Variants in TC2N observed in about 807,000 individuals in gnomAD.
TC2N encodes tandem C2 domains nuclear protein.
Under a neutral mutation model 61.9 loss-of-function variants are expected in TC2N, and 51 were observed. The observed-to-expected ratio is 0.82, with a 90% CI of 0.66 to 1.04. The LOEUF is 1.04. TC2N is among the 50% of genes least tolerant of loss of function. The probability of loss-of-function intolerance (pLI) is 0.00; values close to 1 mark genes in which losing one functional copy is unlikely to be tolerated. For missense variants in TC2N, 556 were observed against 566.7 expected (o/e 0.98, Z 0.19); for synonymous variants, 204 against 192.6 (o/e 1.06, Z -0.49).
In TC2N at chr14:91,812,525, T is replaced by TA. The variant is rs761160217; in HGVS notation, c.87dup (p.Lys30Ter). The TA allele has an allele frequency of 7.6e-6, 12 of 1,580,112 alleles. No homozygotes were observed. The highest frequency in any genetic ancestry group is 1.0e-5 in the Non-Finnish European group (12 of 1,156,180). ...TTTTGACTATTTGGGACTGCTGCTT[T>TA]AAAATCTCTTTCCACAGAAACTGCA... On this transcript the variant is annotated frameshift_variant, in exon 3 of 12. Transcript: ENST00000435962. LOFTEE classifies it high-confidence loss of function.
chr14:91,850,113 A>G (rs1566789475), intron 1 of TC2N, among the ~76,000 whole-genome samples: 1 of 151,820 alleles, frequency 6.6e-6, no homozygotes, highest in Non-Finnish European at 1.5e-5. Context: ...CCTGAGTTGA[A>G]GTTCTGGCAT....
rs1888052598 is a variant in TC2N at position 91,837,043 on chromosome 14, T to A, written c.-56-23218A>T. ...ACTGCCTTGCCATCAATGGGTGTCTTGGAAAGAATATTAAATGTATCCACC... is the reference window on the plus strand; with the variant it reads ...ACTGCCTTGCCATCAATGGGTGTCTAGGAAAGAATATTAAATGTATCCACC... On this transcript the variant is annotated intron_variant, in intron 1 of 11. Coordinates refer to ENST00000435962, the MANE Select transcript of TC2N (RefSeq NM_001128596.3). The surrounding 1 kb of genome is among the most constrained non-coding windows in gnomAD (Gnocchi z 4.2). Among the ~76,000 whole-genome samples, 1 of 152,190 alleles carries A rather than the reference T, an allele frequency of 6.6e-6. No homozygotes were observed. Among genetic ancestry groups the A allele is most frequent in the Non-Finnish European group, 1.5e-5 (1 of 68,038 alleles).
intron 1 of TC2N, among the ~76,000 whole-genome samples, chr14:91,865,565 G>A (rs1415802160): frequency 6.6e-6 from 1 of 151,804 alleles, no homozygotes; most frequent in Non-Finnish European, 1.5e-5. Context: ...TTTGCTAAGT[G>A]CTCACGTTTT....
At chr14:91,797,936 A>G in intron 7 of TC2N, 35 bp from the exon 8 acceptor site, 1 of 1,298,146 alleles carries the variant, frequency 7.7e-7, no homozygotes, top group Non-Finnish European at 1.1e-6. Flanking sequence ...GAATTTTACA[A>G]AGGATCCAAC....
intron 1 of TC2N, among the ~76,000 whole-genome samples, chr14:91,840,045 C>A (rs1888135462): frequency 6.6e-6 from 1 of 152,186 alleles, no homozygotes; most frequent in African/African-American, 2.4e-5. Flanking sequence ...TGAGCCTTCA[C>A]CCCACTGTCT....
intron 1 of TC2N, among the ~76,000 whole-genome samples, chr14:91,825,495 C>T (rs924032556): frequency 1.5e-4 from 23 of 152,116 alleles, no homozygotes; most frequent in African/African-American, 5.1e-4. Context: ...TTAAGTAATG[C>T]TATATCTCTC....
intron 1 of TC2N, among the ~76,000 whole-genome samples, chr14:91,821,158 C>G (rs1195439320): frequency 2.0e-5 from 3 of 151,622 alleles, no homozygotes; most frequent in Non-Finnish European, 4.4e-5. Context: ...GTAAAGGGTG[C>G]AGAATAGCCA....
At chr14:91,791,747 T>TA (rs1885665161) in intron 9 of TC2N, among the ~76,000 whole-genome samples, 1 of 148,902 alleles carries the variant, frequency 6.7e-6, no homozygotes, top group South Asian at 2.1e-4. Context: ...ATCAGCTACC[T>TA]AAAAAAACTT....
intron 1 of TC2N, among the ~76,000 whole-genome samples, chr14:91,814,825 A>G (rs1886940251): frequency 6.6e-6 from 1 of 151,646 alleles, no homozygotes; most frequent in African/African-American, 2.4e-5. Flanking sequence ...AGTACTCTTG[A>G]GAGATGCTAA....
chr14:91,794,409 A>G (rs1474785159), intron 8 of TC2N, among the ~76,000 whole-genome samples: 1 of 152,200 alleles, frequency 6.6e-6, no homozygotes, highest in Non-Finnish European at 1.5e-5. Flanking sequence ...ATGGAGGAGA[A>G]GTCAATGCCT....
chr14:91,843,098 G>A (rs1203182585), intron 1 of TC2N, among the ~76,000 whole-genome samples: 1 of 152,074 alleles, frequency 6.6e-6, no homozygotes. Flanking sequence ...AATGCTAGAA[G>A]ACTTCCCTGG....
At chr14:91,813,887 T>G in intron 1 of TC2N, 62 bp from the exon 2 acceptor site, 1 of 584,596 alleles carries the variant, frequency 1.7e-6, no homozygotes, top group South Asian at 2.8e-5. Context: ...TAGATATTAC[T>G]AAATAAACCA....
chr14:91,797,701 T>A, intron 8 of TC2N, 84 bp downstream of exon 8: 1 of 906,688 alleles, frequency 1.1e-6, no homozygotes. Context: ...GACTTTCTTA[T>A]TCTGACTTGT....
chr14:91,809,495 C>G (rs183330866), intron 3 of TC2N, among the ~76,000 whole-genome samples: 49 of 152,176 alleles, frequency 3.2e-4, no homozygotes, highest in South Asian at 6.2e-4. Flanking sequence ...TAGACCAAAA[C>G]TAAAACAAAG....
intron 11 of TC2N, among the ~76,000 whole-genome samples, chr14:91,784,000 A>T (rs1037597598): frequency 1.3e-5 from 2 of 152,088 alleles, no homozygotes; most frequent in African/African-American, 4.8e-5. Flanking sequence ...TGTAAAACAG[A>T]CATTAGAGTA....
At chr14:91,785,451 T>TATA in intron 10 of TC2N, 90 bp from the exon 11 acceptor site, 1 of 851,920 alleles carries the variant, frequency 1.2e-6, no homozygotes. Flanking sequence ...AATATATATA[T>TATA]ATAACATTTA....
chr14:91,783,020 T>C lies in TC2N; in HGVS notation c.*80A>G, dbSNP rs1476537836. 1.1e-6 allele frequency: 1 copy of C among 879,488 alleles called. No individual in the cohort carries two copies. Among genetic ancestry groups the C allele is most frequent in the African/African-American group, 1.7e-5 (1 of 59,782 alleles). 54.5% of individuals were successfully genotyped at this position (879,488 alleles called of 1,614,324 possible). A position where few individuals can be genotyped will look rare whatever the true frequency, so the allele number is the denominator to read the frequency against. On this transcript the variant is annotated 3_prime_UTR_variant, in exon 12 of 12. Transcript: ENST00000435962. Reference sequence around the variant, plus strand: ...AAATTGACAAATTTGTTGATTTGCCTCTTCTCATTGGTAGCAAATTGAAAT... The same window carrying C: ...AAATTGACAAATTTGTTGATTTGCCCCTTCTCATTGGTAGCAAATTGAAAT...
chr14:91,853,808 C>A (rs1182691201), intron 1 of TC2N, among the ~76,000 whole-genome samples: 1 of 151,742 alleles, frequency 6.6e-6, no homozygotes, highest in Non-Finnish European at 1.5e-5. Flanking sequence ...GTTTAACAAG[C>A]ACAAGAGGCC....
intron 3 of TC2N, among the ~76,000 whole-genome samples, chr14:91,803,413 A>ACC (rs1886356502): frequency 3.2e-5 from 1 of 31,096 alleles, no homozygotes; most frequent in Admixed American, 4.9e-4. Flanking sequence ...GTACATACAT[A>ACC]CACACACACA....
Sources: gnomAD v4.1 joint callset for allele counts (sites outside exome capture counted in the v4.1 genomes callset) on GRCh38, gnomAD v4.1.1 for gene constraint, Gnocchi (gnomAD v3.1) non-coding constraint, MANE v1.5 for transcripts, NCBI Gene and HGNC (gene_info 2026-07-23, HGNC 2026-07-21) for gene names.